The following CASD1 variants were observed in gnomAD, a reference collection of about 807,000 sequenced individuals.
CASD1 encodes N-acetylneuraminate (7)9-O-acetyltransferase.
Under a neutral mutation model 100.0 loss-of-function variants are expected in CASD1, and 41 were observed. That is an observed-to-expected ratio of 0.41 (90% confidence interval 0.32 to 0.53). The LOEUF (loss-of-function observed/expected upper bound fraction) is 0.53. Among genes scored for constraint, CASD1 ranks in the 20% least tolerant of loss-of-function variants. The pLI, the probability that CASD1 is intolerant of heterozygous loss-of-function variation, is 0.25. For synonymous variants in CASD1, 321 were observed against 315.6 expected (o/e 1.02, Z -0.18); for missense variants, 774 against 948.7 (o/e 0.82, Z 2.42).
At chr7:94,583,438 A>ATGTT in the CASD1 span, among the ~76,000 whole-genome samples, 720 of 152,274 alleles carry the variant, frequency 4.7e-3, 6 homozygotes, top group African/African-American at 0.016. Flanking sequence ...ACTAAGGTCA[A>ATGTT]TGTTTAAAAG....
the CASD1 span, chr7:94,600,750 T>G: frequency 6.2e-7 from 1 of 1,613,670 alleles, no homozygotes; most frequent in Admixed American, 1.7e-5. Context: ...TGTAATAGTC[T>G]CTGCTTTTCA....
At chr7:94,601,273 C>T in the CASD1 span, among the ~76,000 whole-genome samples, 2 of 150,374 alleles carry the variant, frequency 1.3e-5, no homozygotes, top group Admixed American at 6.6e-5. Flanking sequence ...CAGGTATGCA[C>T]GTATGGTTTC....
chr7:94,514,723 T>A (rs919495986), intron 1 of CASD1, among the ~76,000 whole-genome samples: 8 of 152,156 alleles, frequency 5.3e-5, no homozygotes, highest in African/African-American at 1.9e-4. Flanking sequence ...TTCATCCAGA[T>A]AATCTTGGTG....
At chr7:94,554,434 C>T (rs771706606) in intron 16 of CASD1, 49 bp from the exon 17 acceptor site, 1 of 1,231,402 alleles carries the variant, frequency 8.1e-7, no homozygotes, top group South Asian at 1.3e-5. Flanking sequence ...ATACAAAATA[C>T]TTTTCAATAA....
At chr7:94,593,530 T>C in the CASD1 span, among the ~76,000 whole-genome samples, 1 of 151,970 alleles carries the variant, frequency 6.6e-6, no homozygotes, top group South Asian at 2.1e-4. Context: ...AATCAAATAT[T>C]TGGGATCCTC....
chr7:94,510,302 A>G, intron 1 of CASD1, 85 bp downstream of exon 1: 1 of 1,027,218 alleles, frequency 9.7e-7, no homozygotes, highest in Non-Finnish European at 1.3e-6. Context: ...CGCCCAACAC[A>G]CGCCCACGCG....
At chr7:94,622,940 C>T in the CASD1 span, among the ~76,000 whole-genome samples, 1 of 151,954 alleles carries the variant, frequency 6.6e-6, no homozygotes, top group Non-Finnish European at 1.5e-5. Flanking sequence ...AATAATAAAA[C>T]TAGTTAGTAA....
At chr7:94,547,544 G>A (rs937633101) in intron 13 of CASD1, among the ~76,000 whole-genome samples, 20 of 151,888 alleles carry the variant, frequency 1.3e-4, no homozygotes, top group African/African-American at 4.8e-4. Context: ...TCAAAGTATT[G>A]ATTTTTCCAT....
the CASD1 span, among the ~76,000 whole-genome samples, chr7:94,605,109 T>A: frequency 1.3e-5 from 2 of 151,928 alleles, no homozygotes; most frequent in Non-Finnish European, 2.9e-5. Flanking sequence ...AAAAAAATTA[T>A]AAAACATACT....
chr7:94,518,129 A>G, intron 2 of CASD1, 74 bp from the exon 3 acceptor site: 1 of 1,381,218 alleles, frequency 7.2e-7, no homozygotes. Context: ...AACTTTCTTC[A>G]AAAACGGTGT....
chr7:94,629,894 C>T, the CASD1 span: 1 of 1,601,714 alleles, frequency 6.2e-7, no homozygotes, highest in Admixed American at 1.7e-5. Context: ...TGAGATACGC[C>T]CTTGATAATT....
the CASD1 span, chr7:94,589,111 C>A: frequency 1.2e-5 from 3 of 249,478 alleles, no homozygotes; most frequent in Admixed American, 4.8e-5. Context: ...TTAACCTATA[C>A]ACTTTCAGAT....
chr7:94,564,440 G>A, the CASD1 span, among the ~76,000 whole-genome samples: 33 of 152,296 alleles, frequency 2.2e-4, no homozygotes, highest in South Asian at 1.5e-3. Context: ...GTAATTTACC[G>A]TCTTTGGCAG....
At chr7:94,574,496 A>G in the CASD1 span, among the ~76,000 whole-genome samples, 3 of 151,712 alleles carry the variant, frequency 2.0e-5, no homozygotes, top group African/African-American at 7.3e-5. Flanking sequence ...TCTCTTCTAC[A>G]TTTTCTAGTT....
At chr7:94,526,086 A>G (rs1392964986) in intron 3 of CASD1, among the ~76,000 whole-genome samples, 1 of 152,192 alleles carries the variant, frequency 6.6e-6, no homozygotes, top group East Asian at 1.9e-4. Context: ...ATAGCAACCT[A>G]GAGTCATGTT....
At chr7:94,569,223 A>G in the CASD1 span, among the ~76,000 whole-genome samples, 4 of 152,182 alleles carry the variant, frequency 2.6e-5, no homozygotes, top group African/African-American at 9.7e-5. Context: ...TTGGTGGAAA[A>G]GGGTATATAA....
chr7:94,555,844 T>G lies in CASD1; in HGVS notation c.*86T>G. 7.5e-7 allele frequency: 1 copy of G among 1,335,352 alleles called. No individual in the cohort carries two copies. The highest frequency in any genetic ancestry group is 1.0e-6 in the Non-Finnish European group (1 of 978,436). 82.7% of individuals were successfully genotyped at this position (1,335,352 alleles called of 1,614,324 possible). On this transcript the variant is annotated 3_prime_UTR_variant, in exon 18 of 18. Coordinates refer to ENST00000297273, the MANE Select transcript of CASD1 (RefSeq NM_022900.5). ...AAAAGCATCTATCTGGAGATATAAA[T>G]GTGTATGTAAATATAAACGTTTGTG...
At chr7:94,604,205 A>T in the CASD1 span, among the ~76,000 whole-genome samples, 1 of 152,162 alleles carries the variant, frequency 6.6e-6, no homozygotes, top group Non-Finnish European at 1.5e-5. Flanking sequence ...GCTTGAGAAG[A>T]TAGGAATCTC....
the CASD1 span, chr7:94,590,964 T>A: frequency 6.6e-6 from 1 of 152,148 alleles, no homozygotes; most frequent in Non-Finnish European, 1.5e-5. Context: ...AATGTTTCAG[T>A]TCCACTTTAA....
Sources: gnomAD v4.1 joint callset for allele counts (sites outside exome capture counted in the v4.1 genomes callset) on GRCh38, gnomAD v4.1.1 for gene constraint, MANE v1.5 for transcripts, NCBI Gene and HGNC (gene_info 2026-07-23, HGNC 2026-07-21) for gene names.